The following EYA2 variants were observed in gnomAD, a reference collection of about 807,000 sequenced individuals.
EYA2 encodes EYA transcriptional coactivator and phosphatase 2.
In EYA2, 31 loss-of-function variants were observed where a neutral mutation model predicts 69.2. The observed-to-expected ratio is 0.45, with a 90% CI of 0.34 to 0.60. The LOEUF is 0.60. Ranked by LOEUF, EYA2 falls within the 20% of genes least tolerant of loss-of-function variation. The probability of loss-of-function intolerance (pLI) is 0.02; values close to 1 mark genes in which losing one functional copy is unlikely to be tolerated. For synonymous variants in EYA2, 257 were observed against 279.4 expected, an observed-to-expected ratio of 0.92 and a Z score of 0.80; for missense variants, 622 against 701.2, an observed-to-expected ratio of 0.89 and a Z score of 1.28.
intron 1 of EYA2, among the ~76,000 whole-genome samples, chr20:46,960,922 C>T (rs1371667084): frequency 1.3e-5 from 2 of 152,188 alleles, no homozygotes; most frequent in Non-Finnish European, 2.9e-5. Context: ...CTGCAGCCCC[C>T]AGAAAGCAAG....
At chr20:46,908,062 TC>T (rs759893147) in intron 1 of EYA2, among the ~76,000 whole-genome samples, 5 of 152,216 alleles carry the variant, frequency 3.3e-5, no homozygotes, top group Non-Finnish European at 7.3e-5. Flanking sequence ...CCACTGTGCC[TC>T]CCGCTTCCAT....
At chr20:46,919,624 C>T (rs1451192989) in intron 1 of EYA2, among the ~76,000 whole-genome samples, 1 of 152,230 alleles carries the variant, frequency 6.6e-6, no homozygotes, top group Non-Finnish European at 1.5e-5. Context: ...TTGGTTTGAT[C>T]TTCTATCCAG....
intron 7 of EYA2, among the ~76,000 whole-genome samples, chr20:47,088,820 G>A (rs573399819): frequency 3.6e-4 from 55 of 152,270 alleles, no homozygotes; most frequent in African/African-American, 1.2e-3. Flanking sequence ...GCAATCAAGC[G>A]ATCCTCTCAC....
chr20:47,111,973 A>AC (rs925579902), intron 9 of EYA2, among the ~76,000 whole-genome samples: 28 of 151,936 alleles, frequency 1.8e-4, no homozygotes, highest in Non-Finnish European at 3.4e-4. Flanking sequence ...GTACAAAAAA[A>AC]AATTTTTTTT....
intron 7 of EYA2, among the ~76,000 whole-genome samples, chr20:47,075,652 A>T (rs1203870626): frequency 1.3e-5 from 2 of 152,212 alleles, no homozygotes; most frequent in Non-Finnish European, 2.9e-5. Flanking sequence ...CAGGGTCCTC[A>T]AGAATTATAC....
intron 1 of EYA2, among the ~76,000 whole-genome samples, chr20:46,931,017 C>T (rs1040192452): frequency 1.3e-5 from 2 of 152,212 alleles, no homozygotes; most frequent in Non-Finnish European, 2.9e-5. Context: ...TAACCGAAAA[C>T]GTCTCCACAC....
At chr20:47,162,307 A>G (rs1399054336) in intron 10 of EYA2, among the ~76,000 whole-genome samples, 3 of 151,454 alleles carry the variant, frequency 2.0e-5, no homozygotes, top group Non-Finnish European at 4.4e-5. Context: ...ATGTTCCTAC[A>G]CTCCTCTCTG....
At chr20:46,911,958 G>T (rs1248672069) in intron 1 of EYA2, among the ~76,000 whole-genome samples, 1 of 152,192 alleles carries the variant, frequency 6.6e-6, no homozygotes, top group African/African-American at 2.4e-5. Flanking sequence ...ACAAAGCAAT[G>T]TTAAATGTTT....
intron 4 of EYA2, among the ~76,000 whole-genome samples, chr20:47,007,763 G>A (rs1032943175): frequency 6.6e-6 from 1 of 151,908 alleles, no homozygotes; most frequent in African/African-American, 2.4e-5. Context: ...CTACAGGCAC[G>A]CACTACCTCC....
chr20:47,034,593 G>A (rs1189789984), intron 5 of EYA2, among the ~76,000 whole-genome samples: 2 of 152,182 alleles, frequency 1.3e-5, no homozygotes, highest in African/African-American at 4.8e-5. Context: ...CAGAGGCCAG[G>A]CTATCCTTGT....
At chr20:46,990,893 G>GT (rs1981616756) in intron 2 of EYA2, among the ~76,000 whole-genome samples, 1 of 152,160 alleles carries the variant, frequency 6.6e-6, no homozygotes, top group African/African-American at 2.4e-5. Context: ...AAAGTGACAC[G>GT]TATCTAGTGG....
At chr20:47,037,183 G>A (rs958750961) in intron 5 of EYA2, among the ~76,000 whole-genome samples, 1 of 152,044 alleles carries the variant, frequency 6.6e-6, no homozygotes, top group African/African-American at 2.4e-5. Context: ...GAACAGTATG[G>A]GGGAAACCAC....
chr20:47,171,324 A>C (rs144070002), intron 11 of EYA2, among the ~76,000 whole-genome samples: 56 of 152,330 alleles, frequency 3.7e-4, no homozygotes, highest in African/African-American at 1.2e-3. Context: ...TTATTCATTC[A>C]AGAAATATTT....
intron 1 of EYA2, among the ~76,000 whole-genome samples, chr20:46,928,923 C>A (rs1426747433): frequency 6.6e-6 from 1 of 152,142 alleles, no homozygotes; most frequent in Non-Finnish European, 1.5e-5. Context: ...AAATTCTCCC[C>A]TCCAACAAGA....
intron 7 of EYA2, among the ~76,000 whole-genome samples, chr20:47,080,891 A>G (rs2146489859): frequency 6.6e-6 from 1 of 152,272 alleles, no homozygotes; most frequent in East Asian, 1.9e-4. Flanking sequence ...TTAAAGAGAC[A>G]AGGTCTTACT....
intron 1 of EYA2, among the ~76,000 whole-genome samples, chr20:46,973,279 T>C (rs1980249194): frequency 1.3e-5 from 2 of 152,218 alleles, no homozygotes; most frequent in Admixed American, 1.3e-4. Flanking sequence ...GAACGTGAGA[T>C]ATTCTACAAC....
intron 4 of EYA2, among the ~76,000 whole-genome samples, chr20:47,007,333 AAGG>A (rs1982778998): frequency 6.6e-6 from 1 of 152,206 alleles, no homozygotes; most frequent in South Asian, 2.1e-4. Flanking sequence ...CCTTTTAAAT[AAGG>A]AGCGAAATTC....
intron 5 of EYA2, among the ~76,000 whole-genome samples, chr20:47,050,258 C>T (rs2030262969): frequency 6.6e-6 from 1 of 152,118 alleles, no homozygotes; most frequent in Admixed American, 6.5e-5. Flanking sequence ...GGTCCTAACC[C>T]CTTGGTTTAA....
At chr20:46,999,243 C>T (rs1982212835) in intron 2 of EYA2, among the ~76,000 whole-genome samples, 1 of 152,150 alleles carries the variant, frequency 6.6e-6, no homozygotes, top group Non-Finnish European at 1.5e-5. Flanking sequence ...ACTAAATGCA[C>T]TCAAGTCATG....
Sources: gnomAD v4.1 joint callset for allele counts (sites outside exome capture counted in the v4.1 genomes callset) on GRCh38, gnomAD v4.1.1 for gene constraint, MANE v1.5 for transcripts, NCBI Gene and HGNC (gene_info 2026-07-23, HGNC 2026-07-21) for gene names.